The following CCDC146 variants were observed in gnomAD, a reference collection of about 807,000 sequenced individuals.
The protein encoded by CCDC146 is coiled-coil domain-containing protein 146.
A neutral mutation model predicts 119.3 loss-of-function variants in CCDC146; 92 were observed. The observed-to-expected ratio is 0.77, with a 90% confidence interval of 0.65 to 0.92. The LOEUF (loss-of-function observed/expected upper bound fraction) is 0.92, where lower values mean the gene tolerates loss of function less well. Ranked by LOEUF, CCDC146 falls within the 40% of genes least tolerant of loss-of-function variation. The probability of loss-of-function intolerance (pLI) is 0.00; values close to 1 mark genes in which losing one functional copy is unlikely to be tolerated. For missense variants in CCDC146, 1,000 were observed against 1,103.0 expected, an observed-to-expected ratio of 0.91 and a Z score of 1.32; for synonymous variants, 372 against 371.8, an observed-to-expected ratio of 1.00 and a Z score of -0.01.
intron 15 of CCDC146, among the ~76,000 whole-genome samples, chr7:77,286,546 T>A (rs1793851220): frequency 6.6e-6 from 1 of 152,178 alleles, no homozygotes. Flanking sequence ...TGAAACCAGC[T>A]TTTTCTATGA....
At chr7:77,238,975 A>G (rs1016514492) in intron 3 of CCDC146, among the ~76,000 whole-genome samples, 5 of 150,896 alleles carry the variant, frequency 3.3e-5, no homozygotes, top group African/African-American at 1.2e-4. Flanking sequence ...CCTACTCCCA[A>G]TGCCTGATGG....
intron 9 of CCDC146, among the ~76,000 whole-genome samples, chr7:77,266,094 T>C (rs1429436749): frequency 4.6e-5 from 7 of 152,206 alleles, no homozygotes; most frequent in Non-Finnish European, 7.3e-5. Context: ...CCATGATTCC[T>C]AGGATTTTGC....
At chr7:77,146,378 T>A (rs1043576379) in intron 1 of CCDC146, among the ~76,000 whole-genome samples, 3 of 150,874 alleles carry the variant, frequency 2.0e-5, no homozygotes, top group African/African-American at 7.5e-5. Flanking sequence ...AATTTGCCAG[T>A]CTATGTCTTT....
chr7:77,280,385 T>C, intron 13 of CCDC146, 44 bp from the exon 14 acceptor site: 1 of 1,464,656 alleles, frequency 6.8e-7, no homozygotes, highest in East Asian at 2.4e-5. Flanking sequence ...TTAAATAAAC[T>C]AAAGAAAATT....
At position 77,231,777 on chromosome 7, in the gene CCDC146, C is replaced by T. The variant is rs181393228; in HGVS notation, c.157-5170C>T. ...TCTTTGAAGTCTTTGTTAAATCTAA[C>T]GTCTGCATCCTCCCTAAGAAAGTTT... is the stretch of plus-strand genomic sequence containing the variant. On this transcript the variant is annotated intron_variant, in intron 2 of 18. Coordinates refer to ENST00000285871, the MANE Select transcript of CCDC146 (RefSeq NM_020879.3). Among the ~76,000 whole-genome samples the T allele has an allele frequency of 6.6e-5, 10 of 150,694 alleles. 1 individual carries two copies. The highest frequency in any genetic ancestry group is 6.3e-4 in the South Asian group (3 of 4,780).
At chr7:77,162,167 T>C (rs1175016031) in intron 1 of CCDC146, among the ~76,000 whole-genome samples, 1 of 152,198 alleles carries the variant, frequency 6.6e-6, no homozygotes, top group East Asian at 1.9e-4. Flanking sequence ...CATCTCACTT[T>C]ATTTTTCCTT....
chr7:77,125,891 A>G (rs1790684663), intron 1 of CCDC146, among the ~76,000 whole-genome samples: 1 of 152,158 alleles, frequency 6.6e-6, no homozygotes, highest in South Asian at 2.1e-4. Context: ...ATAGGTACTA[A>G]TTCTATTTGA....
intron 2 of CCDC146, 75 bp from the exon 3 acceptor site, chr7:77,236,872 C>G (rs1031815525): frequency 2.8e-6 from 3 of 1,064,482 alleles, no homozygotes; most frequent in Non-Finnish European, 4.4e-6. Flanking sequence ...ATAAGATAAC[C>G]ATATATCCAT....
In CCDC146 at chr7:77,293,003, C is replaced by G; in HGVS notation, c.2467C>G (p.Leu823Val). The G allele has an allele frequency of 6.2e-7, 1 of 1,613,952 alleles. No homozygotes were observed. Among genetic ancestry groups the G allele is most frequent in the Non-Finnish European group, 8.5e-7 (1 of 1,179,948 alleles). The change falls in exon 18 of 19, where the codon CTT becomes GTT. Residue 823 changes from leucine to valine, a missense_variant. Leu to Val is a conservative substitution (Grantham distance 32, BLOSUM62 1). Transcript: ENST00000285871. ...AAATGCAACTGAGAAAATGATGGCT[C>G]TTGTTGCTGAGCTGTCCATGAAACA... ...IKNATEKMMALVAELSMKQAL... is the reference protein window; with the variant it reads ...IKNATEKMMAVVAELSMKQAL...
chr7:77,282,658 T>C lies in CCDC146; in HGVS notation c.2021T>C (p.Leu674Pro). 3 of 1,612,408 alleles carry C rather than the reference T, an allele frequency of 1.9e-6. No individual in the cohort carries two copies. The highest frequency in any genetic ancestry group is 2.5e-6 in the Non-Finnish European group (3 of 1,178,434). The change falls in exon 15 of 19, where the codon CTA (leucine) becomes CCA (proline). Residue 674 changes from leucine (L) to proline (P), a missense_variant. Transcript: ENST00000285871. Reference sequence around the variant, plus strand: ...CTAAATGGAGAAATTGAAATACATCTACTGGAAGAAAAGATCCAATTCCTG... The same window carrying C: ...CTAAATGGAGAAATTGAAATACATCCACTGGAAGAAAAGATCCAATTCCTG... ...MKLNGEIEIH[L>P]LEEKIQFLKM...
At chr7:77,290,821 G>T (rs1793930398) in intron 17 of CCDC146, among the ~76,000 whole-genome samples, 1 of 152,180 alleles carries the variant, frequency 6.6e-6, no homozygotes, top group Non-Finnish European at 1.5e-5. Context: ...TCAGAGGCAG[G>T]TAAATCACTA....
intron 2 of CCDC146, among the ~76,000 whole-genome samples, chr7:77,190,182 A>T (rs1162489445): frequency 2.0e-5 from 3 of 152,234 alleles, no homozygotes; most frequent in Non-Finnish European, 4.4e-5. Flanking sequence ...TCTCAACTTT[A>T]GTTACCATGA....
At chr7:77,223,078 A>G (rs544469427) in intron 2 of CCDC146, among the ~76,000 whole-genome samples, 33 of 152,300 alleles carry the variant, frequency 2.2e-4, no homozygotes, top group Middle Eastern at 3.4e-3. Flanking sequence ...ACAGAGGCAT[A>G]TGGGTTTCAG....
chr7:77,226,922 C>T (rs1792525346), intron 2 of CCDC146, among the ~76,000 whole-genome samples: 1 of 152,200 alleles, frequency 6.6e-6, no homozygotes, highest in Non-Finnish European at 1.5e-5. Context: ...TATAATTTCA[C>T]AGAAAAGTCA....
intron 1 of CCDC146, among the ~76,000 whole-genome samples, chr7:77,145,208 G>A (rs1388381055): frequency 1.3e-5 from 2 of 151,588 alleles, no homozygotes; most frequent in African/African-American, 4.9e-5. Flanking sequence ...ATTTGCATAG[G>A]GTGTTTATAG....
chr7:77,245,486 C>G (rs897026989), intron 4 of CCDC146, among the ~76,000 whole-genome samples: 4 of 152,136 alleles, frequency 2.6e-5, no homozygotes, highest in African/African-American at 9.7e-5. Flanking sequence ...TCTGACCAGT[C>G]TTGGTCAGTT....
At chr7:77,252,190 A>G (rs1003268641) in intron 4 of CCDC146, among the ~76,000 whole-genome samples, 1 of 152,144 alleles carries the variant, frequency 6.6e-6, no homozygotes, top group Non-Finnish European at 1.5e-5. Flanking sequence ...CATCCATGAG[A>G]CAATAACAAA....
intron 5 of CCDC146, among the ~76,000 whole-genome samples, chr7:77,255,940 G>T (rs1584116213): frequency 1.3e-5 from 2 of 152,266 alleles, no homozygotes; most frequent in East Asian, 1.9e-4. Flanking sequence ...GATATTCAAA[G>T]ATTATTGGCA....
At chr7:77,287,327 C>G in intron 16 of CCDC146, 113 bp from the exon 17 acceptor site, 2 of 1,159,334 alleles carry the variant, frequency 1.7e-6, no homozygotes, top group Non-Finnish European at 2.5e-6. Context: ...GCTCTAAACA[C>G]TTTCCAGAGG....
Sources: allele counts gnomAD v4.1 joint callset (sites outside exome capture counted in the v4.1 genomes callset), GRCh38; gene constraint gnomAD v4.1.1; transcripts MANE v1.5; gene names NCBI Gene and HGNC (gene_info 2026-07-23, HGNC 2026-07-21).